NHS: variants seen among roughly 807,000 people sequenced by gnomAD.
NHS encodes the protein NHS actin remodeling regulator.
Under a neutral mutation model 72.5 loss-of-function variants are expected in NHS, and 5 were observed. The ratio of observed to expected loss-of-function variants is 0.07; its 90% CI spans 0.04 to 0.14. The LOEUF (loss-of-function observed/expected upper bound fraction) is 0.14, where lower values mean the gene tolerates loss of function less well. Ranked by LOEUF, NHS falls within the 10% of genes least tolerant of loss-of-function variation. The probability of loss-of-function intolerance (pLI) is 1.00; values close to 1 mark genes in which losing one functional copy is unlikely to be tolerated. For missense variants in NHS, 1,072 were observed against 1,355.7 expected, an observed-to-expected ratio of 0.79 and a Z score of 3.29; for synonymous variants, 464 against 547.7, an observed-to-expected ratio of 0.85 and a Z score of 2.13.
At chrX:17,383,245 A>G (rs1012535311) in intron 1 of NHS, among the ~76,000 whole-genome samples, 1 of 111,719 alleles carries the variant, frequency 9.0e-6, no homozygotes, top group African/African-American at 3.3e-5. Context: ...AACCAAGACA[A>G]TCTATTTAAT....
intron 1 of NHS, among the ~76,000 whole-genome samples, chrX:17,486,285 A>G (rs774383976): frequency 3.6e-5 from 4 of 112,485 alleles, no homozygotes; most frequent in East Asian, 2.8e-4. Context: ...CTCAAAGTAT[A>G]CAAGCTGTAG....
chrX:17,427,988 C>T (rs1269533783), intron 1 of NHS, among the ~76,000 whole-genome samples: 3 of 111,848 alleles, frequency 2.7e-5, no homozygotes, highest in Admixed American at 9.5e-5. Context: ...CTCTCTCCAG[C>T]CCCACTAAAT....
chrX:17,410,065 T>C (rs928649238), intron 1 of NHS, among the ~76,000 whole-genome samples: 1 of 111,329 alleles, frequency 9.0e-6, no homozygotes, highest in African/African-American at 3.3e-5. Flanking sequence ...TTTACTGAGA[T>C]CCTGAGAGTT....
At chrX:17,473,467 G>A (rs1037195529) in intron 1 of NHS, among the ~76,000 whole-genome samples, 3 of 112,663 alleles carry the variant, frequency 2.7e-5, no homozygotes, top group Non-Finnish European at 5.6e-5. Flanking sequence ...TAGTTAGTGC[G>A]ATTGAGGAGC....
chrX:17,542,208 A>G (rs2065267282), intron 1 of NHS, among the ~76,000 whole-genome samples: 1 of 113,289 alleles, frequency 8.8e-6, no homozygotes, highest in Admixed American at 9.3e-5. Context: ...GTCCTGCAAG[A>G]CGGCCAGGGC....
intron 1 of NHS, among the ~76,000 whole-genome samples, chrX:17,482,407 C>CA (rs754029103): frequency 4.3e-4 from 48 of 112,515 alleles, no homozygotes; most frequent in Non-Finnish European, 7.7e-4. Flanking sequence ...GCCTAACCAG[C>CA]AAAATTGTTT....
intron 1 of NHS, among the ~76,000 whole-genome samples, chrX:17,514,722 A>G (rs1226481340): frequency 8.9e-6 from 1 of 111,947 alleles, no homozygotes; most frequent in Non-Finnish European, 1.9e-5. Flanking sequence ...ACTTCCTATA[A>G]GTGCACAGGA....
intron 1 of NHS, among the ~76,000 whole-genome samples, chrX:17,637,977 A>G (rs1258746462): frequency 8.9e-6 from 1 of 112,129 alleles, no homozygotes. Context: ...GATGGTCTTC[A>G]GGAAAAGTGG....
intron 1 of NHS, among the ~76,000 whole-genome samples, chrX:17,683,111 G>C (rs2066139516): frequency 8.9e-6 from 1 of 112,076 alleles, no homozygotes; most frequent in Non-Finnish European, 1.9e-5. Flanking sequence ...TGTTTGACAG[G>C]GGAATGAACT....
intron 1 of NHS, among the ~76,000 whole-genome samples, chrX:17,447,396 AT>A (rs780098067): frequency 0.013 from 1,386 of 107,641 alleles, 17 homozygotes; most frequent in African/African-American, 0.037. Context: ...GCGTTGGTTG[AT>A]TTTTTTTTTC....
chrX:17,540,284 G>T (rs1410518388), intron 1 of NHS, among the ~76,000 whole-genome samples: 1 of 111,807 alleles, frequency 8.9e-6, no homozygotes, highest in African/African-American at 3.3e-5. Context: ...ATCTCAGCCA[G>T]GTAGACATAG....
chrX:17,584,478 A>G lies in NHS; in HGVS notation c.566-103264A>G, dbSNP rs772109029. On this transcript the variant is annotated intron_variant, in intron 1 of 8. Transcript: ENST00000676302. ...CAGTGTCTCGTGGCAGCTGCCACACAAAGTTCTGTTTTTGCAAAAGGCGGT... is the reference window on the plus strand; with the variant it reads ...CAGTGTCTCGTGGCAGCTGCCACACGAAGTTCTGTTTTTGCAAAAGGCGGT... Among the ~76,000 whole-genome samples the G allele has an allele frequency of 5.4e-5, 6 of 112,036 alleles. No individual in the cohort carries two copies. In the South Asian group the frequency reaches 1.9e-3, roughly 35 times the overall value.
At chrX:17,495,470 T>C (rs2065008584) in intron 1 of NHS, among the ~76,000 whole-genome samples, 2 of 112,134 alleles carry the variant, frequency 1.8e-5, no homozygotes, top group Non-Finnish European at 3.8e-5. Context: ...ATTGTAGAGA[T>C]ATATAGATGT....
chrX:17,509,375 C>T (rs1323171824), intron 1 of NHS, among the ~76,000 whole-genome samples: 5 of 110,154 alleles, frequency 4.5e-5, no homozygotes, highest in South Asian at 7.8e-4. Flanking sequence ...TACAGGCACC[C>T]GCCATGATGC....
chrX:17,488,174 G>A (rs112662815), intron 1 of NHS, among the ~76,000 whole-genome samples: 3 of 111,412 alleles, frequency 2.7e-5, no homozygotes, highest in African/African-American at 9.8e-5. Flanking sequence ...GCACCAATGA[G>A]CCAGAAAGGA....
intron 1 of NHS, among the ~76,000 whole-genome samples, chrX:17,606,917 T>C (rs901278781): frequency 8.9e-6 from 1 of 112,303 alleles, no homozygotes; most frequent in Non-Finnish European, 1.9e-5. Context: ...TTTACGTGTA[T>C]TAACGCATAA....
chrX:17,723,770 T>TGTGTGTGTGCGCGCGCGCGC (rs541219770), intron 5 of NHS, among the ~76,000 whole-genome samples: 1 of 91,337 alleles, frequency 1.1e-5, no homozygotes, highest in African/African-American at 5.1e-5. Context: ...TGTGTGTGTG[T>TGTGTGTGTGCGCGCGCGCGC]GCGCGCGCGT....
intron 3 of NHS, among the ~76,000 whole-genome samples, chrX:17,705,853 A>G (rs961814651): frequency 6.3e-5 from 7 of 111,939 alleles, no homozygotes; most frequent in Non-Finnish European, 1.3e-4. Flanking sequence ...ACAAACCCCA[A>G]TTGAAGGACA....
At chrX:17,478,246 T>G (rs762134020) in intron 1 of NHS, among the ~76,000 whole-genome samples, 1 of 112,198 alleles carries the variant, frequency 8.9e-6, no homozygotes, top group African/African-American at 3.2e-5. Flanking sequence ...TTGCCAGATC[T>G]TTAGTAATCT....
Sources: allele counts gnomAD v4.1 joint callset (sites outside exome capture counted in the v4.1 genomes callset), GRCh38; gene constraint gnomAD v4.1.1; transcripts MANE v1.5; gene names NCBI Gene and HGNC (gene_info 2026-07-23, HGNC 2026-07-21).